The following TCF20 variants were observed in gnomAD, a reference collection of about 807,000 sequenced individuals.
TCF20 encodes SPRE-binding protein.
Under a neutral mutation model 148.6 loss-of-function variants are expected in TCF20, and 3 were observed. That is an observed-to-expected ratio of 0.02 (90% confidence interval 0.01 to 0.05). The LOEUF (loss-of-function observed/expected upper bound fraction) is 0.05, where lower values mean the gene tolerates loss of function less well. Ranked by LOEUF, TCF20 falls within the 10% of genes least tolerant of loss-of-function variation. The probability of loss-of-function intolerance (pLI) is 1.00; values close to 1 mark genes in which losing one functional copy is unlikely to be tolerated. For missense variants in TCF20, 2,350 were observed against 2,429.3 expected, an observed-to-expected ratio of 0.97 and a Z score of 0.69; for synonymous variants, 1,049 against 909.5, an observed-to-expected ratio of 1.15 and a Z score of -2.76.
chr22:42,184,560 T>C (rs146371328), intron 2 of TCF20, among the ~76,000 whole-genome samples: 1,848 of 152,258 alleles, frequency 0.012, 40 homozygotes, highest in African/African-American at 0.043. Context: ...CTACAAATAA[T>C]ATATTAAAGT....
At chr22:42,275,446 C>T (rs1329084633), upstream of TCF20, among the ~76,000 whole-genome samples, 1 of 152,226 alleles carries the variant, frequency 6.6e-6, no homozygotes, top group Non-Finnish European at 1.5e-5. Context: ...CCCCCACCTG[C>T]CCGGCACTCA....
chr22:42,223,160 T>C (rs1922536264), intron 1 of TCF20, among the ~76,000 whole-genome samples: 1 of 152,166 alleles, frequency 6.6e-6, no homozygotes. Context: ...AGTAAATAAA[T>C]AAATAATTGC....
intron 1 of TCF20, among the ~76,000 whole-genome samples, chr22:42,229,735 C>T (rs921104841): frequency 1.8e-4 from 28 of 152,168 alleles, no homozygotes; most frequent in African/African-American, 6.8e-4. Flanking sequence ...CTGAGTCATT[C>T]CTCAAGGCCA....
At chr22:42,195,857 C>A (rs1379201745) in intron 2 of TCF20, among the ~76,000 whole-genome samples, 1 of 152,228 alleles carries the variant, frequency 6.6e-6, no homozygotes, top group Non-Finnish European at 1.5e-5. Flanking sequence ...CCCACCTCTT[C>A]CCACTGGAGG....
At chr22:42,195,875 G>C (rs113796938) in intron 2 of TCF20, among the ~76,000 whole-genome samples, 14 of 152,258 alleles carry the variant, frequency 9.2e-5, no homozygotes, top group African/African-American at 3.1e-4. Flanking sequence ...AGGTTACATT[G>C]CTTCTACGTG....
chr22:42,301,197 G>A (rs900378309), intron 1 of TCF20, among the ~76,000 whole-genome samples: 5 of 151,968 alleles, frequency 3.3e-5, no homozygotes, highest in South Asian at 2.1e-4. Context: ...CTAGGGAGCC[G>A]TTGGAGGTGT....
intron 3 of TCF20, among the ~76,000 whole-genome samples, chr22:42,171,570 C>T (rs1222540302): frequency 1.3e-5 from 2 of 152,196 alleles, no homozygotes; most frequent in African/African-American, 2.4e-5. Flanking sequence ...CAGCAACTTA[C>T]TACTAACCTC....
chr22:42,212,228 T>C lies in TCF20; in HGVS notation c.3078A>G (p.Pro1026=), dbSNP rs751700535. 1 of 1,614,206 alleles carries C rather than the reference T, an allele frequency of 6.2e-7. No homozygotes were observed. Among genetic ancestry groups the C allele is most frequent in the Non-Finnish European group, 8.5e-7 (1 of 1,180,022 alleles). Residue 1026 remains proline (P), a synonymous_variant, in exon 2 of 6, where the codon CCA becomes CCG. Coordinates refer to ENST00000677622, the MANE Select transcript of TCF20 (RefSeq NM_001378418.1). The stretch of plus-strand genomic sequence containing the variant: ...GATTCATGTGATGAGGGTCTCCCCC[T>C]GGGCCTCTGCTCCGCCCAGGAGACA... ...LKMSPGRSRG[P]GGDPHHMNPH...
intron 1 of TCF20, among the ~76,000 whole-genome samples, chr22:42,254,897 A>G (rs1925638705): frequency 7.3e-6 from 1 of 137,054 alleles, no homozygotes; most frequent in Non-Finnish European, 1.5e-5. Flanking sequence ...CCTGGGAGGC[A>G]GAGCTTGAGA....
chr22:42,187,232 C>T (rs1452801957), intron 2 of TCF20, among the ~76,000 whole-genome samples: 1 of 152,200 alleles, frequency 6.6e-6, no homozygotes, highest in African/African-American at 2.4e-5. Context: ...TCTCTGCCTC[C>T]TGGGACCCAG....
intron 2 of TCF20, among the ~76,000 whole-genome samples, chr22:42,207,148 G>A (rs772619308): frequency 2.0e-4 from 30 of 152,130 alleles, no homozygotes; most frequent in Non-Finnish European, 3.4e-4. Context: ...TCTAAGAGGA[G>A]TTAGATCCTT....
chr22:42,245,150 A>G (rs755109793), intron 1 of TCF20, among the ~76,000 whole-genome samples: 10 of 152,320 alleles, frequency 6.6e-5, no homozygotes, highest in South Asian at 2.1e-4. Flanking sequence ...AGGACATGCA[A>G]GAGCAAGTAA....
upstream of TCF20, among the ~76,000 whole-genome samples, chr22:42,271,171 G>C (rs532233283): frequency 3.4e-3 from 511 of 152,348 alleles, 4 homozygotes; most frequent in African/African-American, 0.012. Flanking sequence ...CCAAGACCTA[G>C]CTGGTCCCGC....
intron 1 of TCF20, among the ~76,000 whole-genome samples, chr22:42,227,376 A>C (rs1158021975): frequency 6.6e-6 from 1 of 152,222 alleles, no homozygotes; most frequent in Non-Finnish European, 1.5e-5. Flanking sequence ...TCTCCAACTG[A>C]TGCTTTACCT....
At chr22:42,232,397 C>G (rs867433676) in intron 1 of TCF20, among the ~76,000 whole-genome samples, 2 of 149,396 alleles carry the variant, frequency 1.3e-5, no homozygotes, top group South Asian at 4.2e-4. Context: ...ATGATTGTAC[C>G]AAAACAAAAA....
intron 3 of TCF20, among the ~76,000 whole-genome samples, chr22:42,170,154 T>G (rs1445636852): frequency 5.9e-5 from 9 of 151,280 alleles, no homozygotes; most frequent in African/African-American, 1.9e-4. Flanking sequence ...AAAACCAGGA[T>G]GTACAAATGT....
chr22:42,250,819 C>T (rs1925303088), intron 1 of TCF20, among the ~76,000 whole-genome samples: 1 of 152,168 alleles, frequency 6.6e-6, no homozygotes, highest in Admixed American at 6.5e-5. Flanking sequence ...GTACAGGAGG[C>T]ATAGTGGCAC....
intron 1 of TCF20, among the ~76,000 whole-genome samples, chr22:42,231,928 C>CAAAAAAAAAA (rs55642530): frequency 5.7e-5 from 7 of 123,276 alleles, no homozygotes; most frequent in African/African-American, 1.9e-4. Context: ...GACTCCGTCT[C>CAAAAAAAAAA]AAAAAAAAAA....
intron 2 of TCF20, among the ~76,000 whole-genome samples, chr22:42,208,171 GAAACAA>G (rs564683652): frequency 5.9e-5 from 9 of 151,764 alleles, no homozygotes; most frequent in East Asian, 1.9e-4. Flanking sequence ...GCATGAAACT[GAAACAA>G]AAACAAAAAC....
Sources: gnomAD v4.1 joint callset for allele counts (sites outside exome capture counted in the v4.1 genomes callset) on GRCh38, gnomAD v4.1.1 for gene constraint, MANE v1.5 for transcripts, NCBI Gene and HGNC (gene_info 2026-07-23, HGNC 2026-07-21) for gene names.